DCAF1: variants seen among roughly 807,000 people sequenced by gnomAD.
DCAF1 encodes DDB1- and CUL4-associated factor 1.
In DCAF1, 15 loss-of-function variants were observed where a neutral mutation model predicts 128.0. That is an observed-to-expected ratio of 0.12 (90% confidence interval 0.08 to 0.18). The LOEUF is 0.18. Ranked by LOEUF, DCAF1 falls within the 10% of genes least tolerant of loss-of-function variation. The pLI, the probability that DCAF1 is intolerant of heterozygous loss-of-function variation, is 1.00. For missense variants in DCAF1, 988 were observed against 1,649.5 expected (o/e 0.60, Z 6.95); for synonymous variants, 610 against 603.0 (o/e 1.01, Z -0.17).
In DCAF1 at chr3:51,494,143, C is replaced by T. The variant is rs565601548; in HGVS notation, c.-9+2591G>A. On this transcript the variant is annotated intron_variant, in intron 2 of 24. Coordinates refer to ENST00000684031, the MANE Select transcript of DCAF1 (RefSeq NM_001387579.1). The stretch of plus-strand genomic sequence containing the variant: ...TTTTTTTTTTTTTGAGATGGAGTCT[C>T]ACTCTGTCGCCCAGAGACTGGAGTG... 3.5e-5 allele frequency among the ~76,000 whole-genome samples: 5 copies of T among 141,944 alleles called. No homozygotes were observed. In the East Asian group the frequency reaches 1.1e-3, roughly 30 times the overall value. The allele number at this position is 141,944 out of a possible 152,430, so 93.1% of individuals were successfully genotyped here.
intron 16 of DCAF1, 129 bp from the exon 17 acceptor site, chr3:51,418,327 C>T: frequency 6.8e-7 from 1 of 1,466,260 alleles, no homozygotes; most frequent in Admixed American, 2.5e-5. Flanking sequence ...TTATAATCCC[C>T]AGAAACCAAG....
At chr3:51,422,721 G>A (rs1021321532) in intron 13 of DCAF1, among the ~76,000 whole-genome samples, 2 of 152,018 alleles carry the variant, frequency 1.3e-5, no homozygotes, top group African/African-American at 4.8e-5. Context: ...ATAGAGACAC[G>A]TACTCTCAAA....
intron 20 of DCAF1, among the ~76,000 whole-genome samples, chr3:51,413,717 T>C (rs1283108873): frequency 2.6e-5 from 4 of 152,220 alleles, no homozygotes; most frequent in African/African-American, 7.2e-5. Flanking sequence ...GCATGAAATT[T>C]CTTTCCATAC....
chr3:51,488,297 G>A (rs1707211046), intron 2 of DCAF1, among the ~76,000 whole-genome samples: 1 of 152,158 alleles, frequency 6.6e-6, no homozygotes, highest in South Asian at 2.1e-4. Flanking sequence ...GATATCACAA[G>A]AAAAGAAAGC....
intron 2 of DCAF1, among the ~76,000 whole-genome samples, chr3:51,491,673 C>G: frequency 6.6e-6 from 1 of 152,000 alleles, no homozygotes; most frequent in Admixed American, 6.6e-5. Context: ...ATTGTGAAAC[C>G]CCATCTCTAC....
At chr3:51,444,666 TATTG>T (rs542801227) in intron 6 of DCAF1, among the ~76,000 whole-genome samples, 206 of 150,166 alleles carry the variant, frequency 1.4e-3, no homozygotes, top group African/African-American at 4.6e-3. Flanking sequence ...AAACTTATTT[TATTG>T]ATTGATTGAT....
At chr3:51,450,719 C>T (rs771466094) in intron 6 of DCAF1, among the ~76,000 whole-genome samples, 1 of 152,132 alleles carries the variant, frequency 6.6e-6, no homozygotes, top group African/African-American at 2.4e-5. Flanking sequence ...TCAGCACAAG[C>T]GATCTTCCCA....
intron 7 of DCAF1, 107 bp from the exon 8 acceptor site, chr3:51,442,004 CCAA>C (rs1430642666): frequency 4.2e-5 from 60 of 1,417,326 alleles, no homozygotes; most frequent in Non-Finnish European, 5.3e-5. Context: ...TGCAGTGAGC[CCAA>C]CGCCTGTAAT....
At chr3:51,465,831 C>T (rs1467574178) in intron 5 of DCAF1, among the ~76,000 whole-genome samples, 3 of 152,250 alleles carry the variant, frequency 2.0e-5, no homozygotes, top group East Asian at 3.9e-4. Flanking sequence ...CTGCCAAGCA[C>T]CTTCATGCTT....
At chr3:51,484,402 GGT>G (rs1706662930) in intron 2 of DCAF1, among the ~76,000 whole-genome samples, 1 of 150,750 alleles carries the variant, frequency 6.6e-6, no homozygotes, top group Non-Finnish European at 1.5e-5. Context: ...GAACCTGGGA[GGT>G]AGAGGTTGCA....
In DCAF1 at chr3:51,471,025, G is replaced by A; in HGVS notation, c.111-20C>T. 1 of 1,563,190 alleles carries A rather than the reference G, an allele frequency of 6.4e-7. No individual in the cohort carries two copies. The highest frequency in any genetic ancestry group is 8.7e-7 in the Non-Finnish European group (1 of 1,142,992). ...GACATCCTAGCACAAAGGAAACAAG[G>A]GGTCAACTCTGGACAAGCATAAAAA... On this transcript the variant is annotated intron_variant, in intron 3 of 24. Coordinates refer to ENST00000684031, the MANE Select transcript of DCAF1 (RefSeq NM_001387579.1).
intron 6 of DCAF1, among the ~76,000 whole-genome samples, chr3:51,449,675 G>C (rs1223921962): frequency 6.6e-6 from 1 of 151,936 alleles, no homozygotes; most frequent in Non-Finnish European, 1.5e-5. Context: ...AAATGAAATA[G>C]AGAATAGAAA....
At chr3:51,458,383 A>C (rs1703158360) in intron 6 of DCAF1, among the ~76,000 whole-genome samples, 1 of 152,178 alleles carries the variant, frequency 6.6e-6, no homozygotes, top group Non-Finnish European at 1.5e-5. Flanking sequence ...ATATATATGC[A>C]CCCAATACAG....
intron 2 of DCAF1, among the ~76,000 whole-genome samples, chr3:51,486,795 G>A (rs1407391404): frequency 3.3e-5 from 5 of 151,234 alleles, no homozygotes; most frequent in Non-Finnish European, 5.9e-5. Flanking sequence ...CAGCATGCCC[G>A]GCTAATTTTT....
At chr3:51,454,096 G>A (rs1702631864) in intron 6 of DCAF1, among the ~76,000 whole-genome samples, 1 of 152,176 alleles carries the variant, frequency 6.6e-6, no homozygotes, top group South Asian at 2.1e-4. Context: ...GGGCTGGAGT[G>A]CGGCAGCACG....
Position 51,487,203 on chromosome 3 carries a change from C to T in DCAF1, c.-8-3367G>A, listed in dbSNP as rs116597097. ...GCCAGTCTGGTCTCGATCTCTTGAC[C>T]GCGTGATCCGCCCACCTCAGCTTCC... On this transcript the variant is annotated intron_variant, in intron 2 of 24. Coordinates refer to ENST00000684031, the MANE Select transcript of DCAF1 (RefSeq NM_001387579.1). Among the ~76,000 whole-genome samples, 666 of 152,178 alleles carry T rather than the reference C, an allele frequency of 4.4e-3. 4 individuals are homozygous for T. The highest frequency in any genetic ancestry group is 0.015 in the African/African-American group (632 of 41,500).
intron 3 of DCAF1, among the ~76,000 whole-genome samples, chr3:51,472,083 T>C (rs1330062796): frequency 4.6e-5 from 7 of 152,162 alleles, no homozygotes; most frequent in Non-Finnish European, 1.0e-4. Flanking sequence ...CAATTCATTC[T>C]CCAACTTCCA....
At chr3:51,435,747 T>C (rs148535528) in intron 9 of DCAF1, among the ~76,000 whole-genome samples, 1 of 152,038 alleles carries the variant, frequency 6.6e-6, no homozygotes, top group African/African-American at 2.4e-5. Flanking sequence ...TATATGTCTG[T>C]CTTTCTTAAC....
chr3:51,412,946 C>T (rs782426236), intron 22 of DCAF1, 47 bp downstream of exon 22: 1 of 1,606,174 alleles, frequency 6.2e-7, no homozygotes, highest in South Asian at 1.1e-5. Context: ...TGAAAATTAT[C>T]CTAAACATCA....
Sources: allele counts gnomAD v4.1 joint callset (sites outside exome capture counted in the v4.1 genomes callset), GRCh38; gene constraint gnomAD v4.1.1; transcripts MANE v1.5; gene names NCBI Gene and HGNC (gene_info 2026-07-23, HGNC 2026-07-21).